Variants in DLG1 observed in about 807,000 individuals in gnomAD.
DLG1 encodes the protein disks large homolog 1.
In DLG1, 42 loss-of-function variants were observed where a neutral mutation model predicts 123.4. That is an observed-to-expected ratio of 0.34 (90% CI 0.27 to 0.44). The LOEUF (loss-of-function observed/expected upper bound fraction) is 0.44. Ranked by LOEUF, DLG1 falls within the 20% of genes least tolerant of loss-of-function variation. DLG1 has a pLI of 1.00. For synonymous variants in DLG1, 317 were observed against 356.2 expected (o/e 0.89, Z 1.24); for missense variants, 942 against 1,082.6 (o/e 0.87, Z 1.82).
In DLG1 at chr3:197,224,465, C is replaced by T. The variant is rs1245622492; in HGVS notation, c.319-29876G>A. ...CCTTTTCCTAAAACACTCTGTTGTA[C>T]ATACCACATGAAAAAACAGGCTTAA... On this transcript the variant is annotated intron_variant, in intron 4 of 24. Transcript: ENST00000667157. 2.0e-5 allele frequency among the ~76,000 whole-genome samples: 3 copies of T among 152,118 alleles called. 1 individual carries two copies. Among genetic ancestry groups the T allele is most frequent in the South Asian group, 4.2e-4 (2 of 4,818 alleles).
intron 4 of DLG1, among the ~76,000 whole-genome samples, chr3:197,256,607 A>AT (rs1756986408): frequency 6.6e-6 from 1 of 152,210 alleles, no homozygotes; most frequent in Non-Finnish European, 1.5e-5. Context: ...TAAATTCCAA[A>AT]TTTTTTTACA....
At chr3:197,092,537 GT>G (rs1416589634) in intron 14 of DLG1, among the ~76,000 whole-genome samples, 1 of 152,180 alleles carries the variant, frequency 6.6e-6, no homozygotes, top group East Asian at 1.9e-4. Flanking sequence ...GTCCTGCCCT[GT>G]TGCCCAGGCT....
intron 5 of DLG1, among the ~76,000 whole-genome samples, chr3:197,166,096 G>A (rs940344966): frequency 5.9e-5 from 9 of 152,208 alleles, no homozygotes; most frequent in South Asian, 2.1e-4. Flanking sequence ...GGACAAAGCC[G>A]TGGCGGCAGC....
At chr3:197,212,043 G>A (rs1234511960) in intron 4 of DLG1, among the ~76,000 whole-genome samples, 2 of 146,182 alleles carry the variant, frequency 1.4e-5, no homozygotes, top group Middle Eastern at 3.4e-3. Flanking sequence ...TAAACGATGA[G>A]AACTGATGAA....
intron 5 of DLG1, among the ~76,000 whole-genome samples, chr3:197,155,910 C>T (rs116249692): frequency 6.6e-6 from 1 of 152,124 alleles, no homozygotes; most frequent in East Asian, 1.9e-4. Flanking sequence ...GATGGCACCA[C>T]TGCACTCCAG....
chr3:197,297,929 C>T (rs168100), intron 1 of DLG1: 983,254 of 983,312 alleles, frequency 1, 491,598 homozygotes, highest in Middle Eastern at 1. Flanking sequence ...GCGGAGGGGG[C>T]GAAGGGACGG....
intron 9 of DLG1, among the ~76,000 whole-genome samples, chr3:197,138,021 G>A (rs1785987849): frequency 6.6e-6 from 1 of 151,452 alleles, no homozygotes. Flanking sequence ...TTCAAATGCT[G>A]CAATCTTGGT....
At chr3:197,192,787 T>C (rs921174690) in intron 5 of DLG1, among the ~76,000 whole-genome samples, 2 of 152,108 alleles carry the variant, frequency 1.3e-5, no homozygotes, top group African/African-American at 4.8e-5. Flanking sequence ...AAGATAATTG[T>C]TTTTTTAAGA....
chr3:197,058,613 A>G (rs998342669), intron 23 of DLG1, among the ~76,000 whole-genome samples: 7 of 152,218 alleles, frequency 4.6e-5, no homozygotes, highest in Non-Finnish European at 8.8e-5. Context: ...GAAATTTGTA[A>G]TCTAGCAAAT....
intron 23 of DLG1, among the ~76,000 whole-genome samples, chr3:197,055,705 CTG>C (rs1051278157): frequency 3.3e-5 from 5 of 151,952 alleles, no homozygotes; most frequent in Non-Finnish European, 7.4e-5. Flanking sequence ...GTGTGTGTGT[CTG>C]TGGTGTGGGG....
intron 4 of DLG1, among the ~76,000 whole-genome samples, chr3:197,197,419 G>A (rs1437315550): frequency 6.6e-6 from 1 of 152,130 alleles, no homozygotes; most frequent in African/African-American, 2.4e-5. Context: ...TTAATGCAAT[G>A]GAATACATGT....
intron 6 of DLG1, among the ~76,000 whole-genome samples, chr3:197,145,192 C>T (rs553594129): frequency 2.6e-5 from 4 of 152,098 alleles, no homozygotes; most frequent in Non-Finnish European, 4.4e-5. Flanking sequence ...TCCTTTGTTA[C>T]GAGTAAAATT....
chr3:197,050,659 A>T (rs1319422185), intron 24 of DLG1, among the ~76,000 whole-genome samples: 1 of 152,198 alleles, frequency 6.6e-6, no homozygotes, highest in African/African-American at 2.4e-5. Context: ...GTTTCCAGGG[A>T]CTGCAGAGTA....
intron 3 of DLG1, among the ~76,000 whole-genome samples, chr3:197,286,636 G>A (rs1771998050): frequency 6.6e-6 from 1 of 152,176 alleles, no homozygotes. Context: ...CATCAGATTT[G>A]TCAATGTACA....
chr3:197,140,318 G>A, intron 7 of DLG1, 54 bp from the exon 8 acceptor site: 2 of 1,575,768 alleles, frequency 1.3e-6, no homozygotes, highest in African/African-American at 2.7e-5. Context: ...TTTATGGACA[G>A]GTTCCTGTCA....
intron 14 of DLG1, among the ~76,000 whole-genome samples, chr3:197,099,599 A>AT (rs1383946277): frequency 2.6e-5 from 4 of 152,198 alleles, no homozygotes; most frequent in African/African-American, 7.2e-5. Flanking sequence ...TTAAAAGCTG[A>AT]TTTTTTCATT....
At chr3:197,248,146 T>C (rs1296611269) in intron 4 of DLG1, among the ~76,000 whole-genome samples, 1 of 152,188 alleles carries the variant, frequency 6.6e-6, no homozygotes, top group Non-Finnish European at 1.5e-5. Context: ...AGGAATACTT[T>C]ACCACCCCTG....
intron 11 of DLG1, among the ~76,000 whole-genome samples, chr3:197,124,318 A>C (rs1777922338): frequency 6.6e-6 from 1 of 152,310 alleles, no homozygotes; most frequent in African/African-American, 2.4e-5. Context: ...TTTGTCGCCC[A>C]GGCTGGACTA....
intron 4 of DLG1, among the ~76,000 whole-genome samples, chr3:197,256,998 A>G (rs1308125296): frequency 1.3e-5 from 2 of 152,170 alleles, no homozygotes; most frequent in Non-Finnish European, 2.9e-5. Context: ...GTTACTGAAC[A>G]TTTTTACGTG....
Sources: gnomAD v4.1 joint callset for allele counts (sites outside exome capture counted in the v4.1 genomes callset) on GRCh38, gnomAD v4.1.1 for gene constraint, MANE v1.5 for transcripts, NCBI Gene and HGNC (gene_info 2026-07-23, HGNC 2026-07-21) for gene names.